The following IQGAP2 variants were observed in gnomAD, a reference collection of about 807,000 sequenced individuals.
The protein encoded by IQGAP2 is IQ motif containing GTPase activating protein 2, also known as ras GTPase-activating-like protein IQGAP2.
In IQGAP2, 173 loss-of-function variants were observed where a neutral mutation model predicts 201.3. That is an observed-to-expected ratio of 0.86 (90% CI 0.76 to 0.98). The LOEUF is 0.98. Among genes scored for constraint, IQGAP2 ranks in the 50% least tolerant of loss-of-function variants. The pLI, the probability that IQGAP2 is intolerant of heterozygous loss-of-function variation, is 0.00. For missense variants in IQGAP2, 1,687 were observed against 1,864.8 expected (o/e 0.90, Z 1.76); for synonymous variants, 675 against 673.9 (o/e 1.00, Z -0.03).
chr5:76,664,214 TATCA>T (rs1709274851), intron 21 of IQGAP2, among the ~76,000 whole-genome samples: 1 of 152,230 alleles, frequency 6.6e-6, no homozygotes, highest in African/African-American at 2.4e-5. Flanking sequence ...ACTTTGAGGC[TATCA>T]TATGGTTATT....
chr5:76,463,257 C>T (rs1428624661), intron 2 of IQGAP2, among the ~76,000 whole-genome samples: 8 of 151,480 alleles, frequency 5.3e-5, no homozygotes, highest in Non-Finnish European at 8.8e-5. Flanking sequence ...TTGTTTTTGC[C>T]TCCTGTTTTT....
intron 17 of IQGAP2, among the ~76,000 whole-genome samples, chr5:76,647,852 A>ACACACACACACAC (rs558983752): frequency 2.1e-5 from 3 of 142,838 alleles, no homozygotes; most frequent in African/African-American, 8.1e-5. Context: ...CACACACACA[A>ACACACACACACAC]ACGAAAAAAA....
At chr5:76,517,620 AAAAGT>A (rs949012728) in intron 2 of IQGAP2, among the ~76,000 whole-genome samples, 2 of 151,946 alleles carry the variant, frequency 1.3e-5, no homozygotes, top group Non-Finnish European at 2.9e-5. Flanking sequence ...AAAAAAAAAA[AAAAGT>A]AAGTATATAA....
At chr5:76,599,843 A>C (rs762555903) in intron 10 of IQGAP2, among the ~76,000 whole-genome samples, 6 of 152,118 alleles carry the variant, frequency 3.9e-5, no homozygotes, top group Non-Finnish European at 5.9e-5. Context: ...ATGTCCCTTC[A>C]ATATGATGAA....
intron 1 of IQGAP2, among the ~76,000 whole-genome samples, chr5:76,416,790 T>C (rs1410361499): frequency 6.6e-6 from 1 of 152,032 alleles, no homozygotes; most frequent in East Asian, 1.9e-4. Flanking sequence ...CTTCCCAAAG[T>C]CCTGGGATTA....
chr5:76,580,244 C>G (rs2150289953), intron 5 of IQGAP2, among the ~76,000 whole-genome samples: 2 of 151,062 alleles, frequency 1.3e-5, no homozygotes, highest in Middle Eastern at 3.4e-3. Context: ...CCACTGCACT[C>G]TAGCCTGGGC....
intron 5 of IQGAP2, among the ~76,000 whole-genome samples, chr5:76,585,206 G>T (rs1012073712): frequency 6.6e-6 from 1 of 152,146 alleles, no homozygotes; most frequent in Non-Finnish European, 1.5e-5. Flanking sequence ...ATAGAAAAAT[G>T]TAAAAGTATA....
intron 24 of IQGAP2, 68 bp downstream of exon 24, chr5:76,672,051 ATACTCT>A: frequency 8.2e-7 from 1 of 1,219,292 alleles, no homozygotes; most frequent in Non-Finnish European, 1.2e-6. Flanking sequence ...GTATTTATTG[ATACTCT>A]TAAACTTTGT....
At chr5:76,628,260 A>G (rs1750417765) in intron 14 of IQGAP2, among the ~76,000 whole-genome samples, 1 of 152,206 alleles carries the variant, frequency 6.6e-6, no homozygotes, top group Non-Finnish European at 1.5e-5. Flanking sequence ...CTGAACTGAC[A>G]CTAATTCCAA....
intron 15 of IQGAP2, among the ~76,000 whole-genome samples, chr5:76,633,293 G>A (rs903114567): frequency 3.3e-5 from 5 of 152,146 alleles, no homozygotes; most frequent in African/African-American, 1.2e-4. Context: ...GAATCTGTAG[G>A]TAAATTTGAG....
intron 15 of IQGAP2, among the ~76,000 whole-genome samples, chr5:76,633,870 T>C (rs1029016382): frequency 6.6e-6 from 1 of 152,192 alleles, no homozygotes; most frequent in African/African-American, 2.4e-5. Context: ...TCGTCCTTTT[T>C]TGTGGCTAAT....
chr5:76,447,822 A>G (rs961742021), intron 1 of IQGAP2, among the ~76,000 whole-genome samples: 15 of 152,200 alleles, frequency 9.9e-5, no homozygotes, highest in Admixed American at 2.0e-4. Flanking sequence ...TCTATTTTAA[A>G]TACTGAAACA....
chr5:76,489,370 A>T (rs1187657278), intron 2 of IQGAP2, among the ~76,000 whole-genome samples: 2 of 152,032 alleles, frequency 1.3e-5, no homozygotes, highest in Admixed American at 6.6e-5. Flanking sequence ...TTTTTTTAGG[A>T]AAATATCTTT....
chr5:76,404,485 C>T (rs9293683), intron 1 of IQGAP2: 668,458 of 984,552 alleles, frequency 0.68, 229,232 homozygotes, highest in East Asian at 0.99. Context: ...AACCCAAGGC[C>T]GAAGACCACA....
Position 76,588,791 on chromosome 5 carries a change from G to C in IQGAP2, c.459-115G>C. 6.2e-6 allele frequency: 3 copies of C among 486,872 alleles called. 1 individual carries two copies. The highest frequency in any genetic ancestry group is 3.6e-6 in the Non-Finnish European group (1 of 277,574). The allele number at this position is 486,872 out of a possible 1,614,324, so 30.2% of individuals were successfully genotyped here. A position where few individuals can be genotyped will look rare whatever the true frequency, so the allele number is the denominator to read the frequency against. On this transcript the variant is annotated intron_variant, in intron 5 of 35. Coordinates refer to ENST00000274364, the MANE Select transcript of IQGAP2 (RefSeq NM_006633.5). ...AGTTTCCTCATTTACAAAATGAATA[G>C]ACTAGATATCTCTTAGGTCTTTTCA...
rs140157321 is a variant in IQGAP2, at chr5:76,404,949, G to A, written c.46+1358G>A. Among the ~76,000 whole-genome samples the A allele has an allele frequency of 3.1e-3, 453 of 147,992 alleles. 6 individuals carry two copies. The highest frequency in any genetic ancestry group is 0.01 in the African/African-American group (405 of 40,466). On this transcript the variant is annotated intron_variant, in intron 1 of 35. Coordinates refer to ENST00000274364, the MANE Select transcript of IQGAP2 (RefSeq NM_006633.5). ...TACAGCAGAGCCCGTTGGGTTCAAG[G>A]AGGAATGCTGTGCTCATTCAGTGTT...
intron 2 of IQGAP2, among the ~76,000 whole-genome samples, chr5:76,468,786 A>G: frequency 6.6e-6 from 1 of 152,184 alleles, no homozygotes; most frequent in South Asian, 2.1e-4. Flanking sequence ...TCCCTCCTGC[A>G]CAGGACCTTG....
At chr5:76,495,231 C>A (rs1756812522) in intron 2 of IQGAP2, among the ~76,000 whole-genome samples, 1 of 152,144 alleles carries the variant, frequency 6.6e-6, no homozygotes, top group African/African-American at 2.4e-5. Context: ...TGGTTGAACC[C>A]ACACTCAGAG....
intron 13 of IQGAP2, among the ~76,000 whole-genome samples, chr5:76,624,968 G>A (rs1374420332): frequency 1.3e-5 from 2 of 152,178 alleles, no homozygotes; most frequent in East Asian, 1.9e-4. Flanking sequence ...CAGCTACTTG[G>A]GAGGCTGAGG....
Sources: gnomAD v4.1 joint callset for allele counts (sites outside exome capture counted in the v4.1 genomes callset) on GRCh38, gnomAD v4.1.1 for gene constraint, MANE v1.5 for transcripts, NCBI Gene and HGNC (gene_info 2026-07-23, HGNC 2026-07-21) for gene names.